CFAP299: variants seen among roughly 807,000 people sequenced by gnomAD.
CFAP299 encodes the protein cilia and flagella associated protein 299.
In CFAP299, 21 loss-of-function variants were observed where a neutral mutation model predicts 27.0. The ratio of observed to expected loss-of-function variants is 0.78; its 90% CI spans 0.55 to 1.12. The LOEUF (loss-of-function observed/expected upper bound fraction) is 1.12. CFAP299 is among the 50% of genes most tolerant of loss of function. The pLI is 0.00. For synonymous variants in CFAP299, 104 were observed against 98.1 expected, an observed-to-expected ratio of 1.06 and a Z score of -0.36; for missense variants, 310 against 276.6, an observed-to-expected ratio of 1.12 and a Z score of -0.86.
intron 3 of CFAP299, among the ~76,000 whole-genome samples, chr4:80,866,607 T>A (rs1159795674): frequency 6.6e-6 from 1 of 152,148 alleles, no homozygotes. Flanking sequence ...AACTAATGAA[T>A]CTAAGTGAGA....
chr4:80,393,073 G>GATAT (rs1725577722), intron 2 of CFAP299, among the ~76,000 whole-genome samples: 1 of 152,102 alleles, frequency 6.6e-6, no homozygotes, highest in African/African-American at 2.4e-5. Flanking sequence ...TCCTGACCCT[G>GATAT]TGTAGGCTTA....
At chr4:80,812,615 T>C (rs1489167448) in intron 3 of CFAP299, among the ~76,000 whole-genome samples, 1 of 152,128 alleles carries the variant, frequency 6.6e-6, no homozygotes, top group East Asian at 1.9e-4. Flanking sequence ...TATGAACTAA[T>C]GTAGAACTTG....
At chr4:80,430,794 C>T (rs1727776069) in intron 2 of CFAP299, among the ~76,000 whole-genome samples, 1 of 152,184 alleles carries the variant, frequency 6.6e-6, no homozygotes, top group African/African-American at 2.4e-5. Flanking sequence ...TTCTCTCTTT[C>T]TCTCTCAGCA....
intron 2 of CFAP299, among the ~76,000 whole-genome samples, chr4:80,426,812 G>A (rs1176213644): frequency 3.3e-5 from 5 of 152,078 alleles, no homozygotes; most frequent in African/African-American, 1.2e-4. Context: ...TTTAAGCCTC[G>A]GTTTTCTTCC....
chr4:80,533,466 A>C (rs917072880), intron 2 of CFAP299, among the ~76,000 whole-genome samples: 1 of 152,134 alleles, frequency 6.6e-6, no homozygotes, highest in Non-Finnish European at 1.5e-5. Flanking sequence ...ATTTTTTGCC[A>C]CTAAATCCCT....
intron 3 of CFAP299, among the ~76,000 whole-genome samples, chr4:80,744,547 G>A (rs1724474601): frequency 1.3e-5 from 2 of 152,048 alleles, no homozygotes; most frequent in Non-Finnish European, 2.9e-5. Flanking sequence ...CTCTGCAGGT[G>A]AACACCTCCT....
At chr4:80,432,988 A>G (rs891283838) in intron 2 of CFAP299, among the ~76,000 whole-genome samples, 1 of 152,212 alleles carries the variant, frequency 6.6e-6, no homozygotes, top group Non-Finnish European at 1.5e-5. Context: ...TATTCCTGAT[A>G]GAGCACTGAT....
At chr4:80,799,193 A>C (rs1417113715) in intron 3 of CFAP299, among the ~76,000 whole-genome samples, 1 of 121,380 alleles carries the variant, frequency 8.2e-6, no homozygotes, top group East Asian at 2.2e-4. Context: ...AAATATATTT[A>C]TATAATATTT....
chr4:80,558,366 G>GTTT (rs1027029926), intron 2 of CFAP299, among the ~76,000 whole-genome samples: 2 of 129,818 alleles, frequency 1.5e-5, no homozygotes, highest in African/African-American at 6.3e-5. Flanking sequence ...TTGTTTGTTT[G>GTTT]TTTTTTTTTT....
In CFAP299 at chr4:80,955,029, AAAAAAC is replaced by A. The variant is rs1560491941; in HGVS notation, c.607-8487_607-8482del. Among the ~76,000 whole-genome samples, 19 of 106,560 alleles carry A rather than the reference AAAAAAC, an allele frequency of 1.8e-4. 5 individuals are homozygous for A. In the South Asian group the frequency reaches 1.8e-3, roughly 10 times the overall value. The allele number at this position is 106,560 out of a possible 152,430, so 69.9% of individuals were successfully genotyped here. A position where few individuals can be genotyped will look rare whatever the true frequency, so the allele number is the denominator to read the frequency against. On this transcript the variant is annotated intron_variant, in intron 5 of 5. Transcript: ENST00000358105. Reference sequence around the variant, plus strand: ...AAAAAAAAAAAAAAAAAAAAAAAAAAAAAAACGCACACATGGCCATATACAGAGTAG... The same window carrying A: ...AAAAAAAAAAAAAAAAAAAAAAAAAAGCACACATGGCCATATACAGAGTAG...
chr4:80,954,401 A>G (rs1737943896), intron 5 of CFAP299, among the ~76,000 whole-genome samples: 1 of 152,318 alleles, frequency 6.6e-6, no homozygotes, highest in East Asian at 1.9e-4. Context: ...GTTGAATTTT[A>G]TTAGAATATG....
At chr4:80,800,963 T>C (rs889468882) in intron 3 of CFAP299, among the ~76,000 whole-genome samples, 12 of 151,166 alleles carry the variant, frequency 7.9e-5, no homozygotes, top group African/African-American at 2.9e-4. Flanking sequence ...AAGATGTAGA[T>C]CAGTCTAGCC....
At chr4:80,530,487 T>C (rs1036942709) in intron 2 of CFAP299, among the ~76,000 whole-genome samples, 1 of 152,160 alleles carries the variant, frequency 6.6e-6, no homozygotes, top group Non-Finnish European at 1.5e-5. Flanking sequence ...TTTTCATCTT[T>C]TCATCTAAAC....
chr4:80,523,315 A>C (rs922230545), intron 2 of CFAP299, among the ~76,000 whole-genome samples: 3 of 152,100 alleles, frequency 2.0e-5, no homozygotes, highest in African/African-American at 7.2e-5. Context: ...AACACAACTG[A>C]TTTTTGCATG....
intron 2 of CFAP299, among the ~76,000 whole-genome samples, chr4:80,512,248 G>T (rs544001688): frequency 7.3e-5 from 11 of 151,460 alleles, no homozygotes; most frequent in African/African-American, 2.7e-4. Flanking sequence ...GTGTGTGCAT[G>T]TGTGTGTGTA....
At chr4:80,394,751 T>C (rs1725685455) in intron 2 of CFAP299, among the ~76,000 whole-genome samples, 1 of 152,158 alleles carries the variant, frequency 6.6e-6, no homozygotes, top group Admixed American at 6.6e-5. Flanking sequence ...GTGCATTTTT[T>C]TCTGGGCTTT....
intron 2 of CFAP299, among the ~76,000 whole-genome samples, chr4:80,563,056 A>G (rs1013310277): frequency 2.0e-5 from 3 of 152,116 alleles, no homozygotes; most frequent in African/African-American, 7.2e-5. Flanking sequence ...TGTAAAGGAA[A>G]TAATATTAGA....
intron 2 of CFAP299, among the ~76,000 whole-genome samples, chr4:80,404,233 T>TAC (rs1214599562): frequency 6.6e-6 from 1 of 151,954 alleles, no homozygotes; most frequent in Non-Finnish European, 1.5e-5. Flanking sequence ...CATATATATA[T>TAC]ATACACACAC....
intron 3 of CFAP299, among the ~76,000 whole-genome samples, chr4:80,828,236 C>G (rs1330943304): frequency 6.6e-6 from 1 of 151,308 alleles, no homozygotes; most frequent in Non-Finnish European, 1.5e-5. Flanking sequence ...CTGGAAGAGC[C>G]AAAACAATTT....
Sources: gnomAD v4.1 joint callset for allele counts (sites outside exome capture counted in the v4.1 genomes callset) on GRCh38, gnomAD v4.1.1 for gene constraint, MANE v1.5 for transcripts, NCBI Gene and HGNC (gene_info 2026-07-23, HGNC 2026-07-21) for gene names.